TNS3: variants seen among roughly 807,000 people sequenced by gnomAD.
The protein encoded by TNS3 is tensin 3.
Under a neutral mutation model 140.9 loss-of-function variants are expected in TNS3, and 45 were observed. The observed-to-expected ratio is 0.32, with a 90% CI of 0.25 to 0.41. The LOEUF (loss-of-function observed/expected upper bound fraction) is 0.41. Among genes scored for constraint, TNS3 ranks in the 10% least tolerant of loss-of-function variants. The probability of loss-of-function intolerance (pLI) is 1.00; values close to 1 mark genes in which losing one functional copy is unlikely to be tolerated. For missense variants in TNS3, 1,716 were observed against 1,906.7 expected (o/e 0.90, Z 1.86); for synonymous variants, 815 against 788.4 (o/e 1.03, Z -0.56).
chr7:47,295,357 TC>T (rs564727905), intron 24 of TNS3, among the ~76,000 whole-genome samples: 278 of 152,270 alleles, frequency 1.8e-3, no homozygotes, highest in African/African-American at 6.4e-3. Context: ...ACCAAAACCA[TC>T]CATCATTCCT....
chr7:47,457,079 A>C (rs1358519452), intron 4 of TNS3, among the ~76,000 whole-genome samples: 1 of 139,616 alleles, frequency 7.2e-6, no homozygotes, highest in Non-Finnish European at 1.5e-5. Flanking sequence ...AATTCTTCCC[A>C]TATCATTATC....
At position 47,368,409 on chromosome 7, in the gene TNS3, A is replaced by C; in HGVS notation, c.2237T>G (p.Leu746Arg). The stretch of plus-strand genomic sequence containing the variant: ...GCTGGGGCCCTCTCCTGTGTCAGGC[A>C]GCCTGCTGCTTGCCCGGAGCCCACC... ...VGGGLRASSR[L>R]PDTGEGPSRA... is the part of the protein sequence containing the mutation. Residue 746 changes from leucine to arginine, a missense_variant, in exon 17 of 31, where the codon CTG becomes CGG. Transcript: ENST00000311160. 6.6e-7 allele frequency: 1 copy of C among 1,518,210 alleles called. No homozygotes were observed. The highest frequency in any genetic ancestry group is 8.8e-7 in the Non-Finnish European group (1 of 1,130,030). The allele number at this position is 1,518,210 out of a possible 1,614,324, so 94.0% of individuals were successfully genotyped here. A position where few individuals can be genotyped will look rare whatever the true frequency, so the allele number is the denominator to read the frequency against.
intron 3 of TNS3, among the ~76,000 whole-genome samples, chr7:47,492,517 G>A (rs1235279477): frequency 6.6e-6 from 1 of 152,200 alleles, no homozygotes; most frequent in Non-Finnish European, 1.5e-5. Context: ...CCTCTGCCTG[G>A]AAAACCACCT....
chr7:47,480,107 C>G (rs1292699133), intron 4 of TNS3, among the ~76,000 whole-genome samples: 1 of 152,224 alleles, frequency 6.6e-6, no homozygotes, highest in African/African-American at 2.4e-5. Flanking sequence ...CCTACTGCAC[C>G]ACAAGACAGA....
chr7:47,524,096 C>T (rs1799089820), intron 2 of TNS3, among the ~76,000 whole-genome samples: 1 of 152,220 alleles, frequency 6.6e-6, no homozygotes, highest in South Asian at 2.1e-4. Flanking sequence ...GAACCAGCGC[C>T]CTCTGAGAGG....
intron 4 of TNS3, among the ~76,000 whole-genome samples, chr7:47,467,203 G>A (rs1796755714): frequency 6.6e-6 from 1 of 152,210 alleles, no homozygotes. Context: ...TGGAAAGACA[G>A]GCCATGGGGC....
At chr7:47,299,963 C>A (rs989117806) in intron 23 of TNS3, among the ~76,000 whole-genome samples, 1 of 152,190 alleles carries the variant, frequency 6.6e-6, no homozygotes, top group Non-Finnish European at 1.5e-5. Flanking sequence ...AAGCAACACC[C>A]CAGAAGTACA....
At chr7:47,481,265 G>T in intron 3 of TNS3, 124 bp from the exon 4 acceptor site, 1 of 677,706 alleles carries the variant, frequency 1.5e-6, no homozygotes, top group Non-Finnish European at 2.3e-6. Context: ...CTACAAAGCT[G>T]TAGCAGATCA....
chr7:47,533,429 C>T (rs1400230253), intron 1 of TNS3, among the ~76,000 whole-genome samples: 4 of 144,102 alleles, frequency 2.8e-5, no homozygotes, highest in African/African-American at 1.0e-4. Context: ...CGCACCTGGC[C>T]TTTTTTTTTT....
intron 16 of TNS3, among the ~76,000 whole-genome samples, chr7:47,395,244 A>T (rs942649068): frequency 1.4e-5 from 2 of 142,402 alleles, no homozygotes; most frequent in Admixed American, 6.8e-5. Context: ...CCCATGCAGC[A>T]AGGGACCTCT....
chr7:47,513,397 G>A (rs529976272), intron 2 of TNS3, among the ~76,000 whole-genome samples: 3 of 152,196 alleles, frequency 2.0e-5, no homozygotes, highest in South Asian at 4.1e-4. Flanking sequence ...TTGAACTCCC[G>A]GTTTCGATCG....
chr7:47,445,828 C>A (rs1795701720), intron 4 of TNS3, among the ~76,000 whole-genome samples: 1 of 152,200 alleles, frequency 6.6e-6, no homozygotes, highest in South Asian at 2.1e-4. Context: ...AAATACTGTG[C>A]TTGTCAAGAG....
At chr7:47,430,727 C>CTT (rs34682970) in intron 8 of TNS3, among the ~76,000 whole-genome samples, 2 of 145,238 alleles carry the variant, frequency 1.4e-5, no homozygotes, top group African/African-American at 2.6e-5. Context: ...AGTATTTTTT[C>CTT]TTTTTTTTTT....
chr7:47,487,742 A>G lies in TNS3; in HGVS notation c.-114-6601T>C, dbSNP rs1021375540. ...AGACATCACCTTATGCACAAGTTCT[A>G]TCATACATAAAATTACTTTAATCAT... On this transcript the variant is annotated intron_variant, in intron 3 of 30. Coordinates refer to ENST00000311160, the MANE Select transcript of TNS3 (RefSeq NM_022748.12). 7.2e-5 allele frequency among the ~76,000 whole-genome samples: 11 copies of G among 152,250 alleles called. No homozygotes were observed. In the South Asian group the frequency reaches 2.3e-3, roughly 32 times the overall value.
chr7:47,302,547 G>A (rs1261559910), intron 22 of TNS3, among the ~76,000 whole-genome samples: 3 of 152,144 alleles, frequency 2.0e-5, no homozygotes, highest in Admixed American at 6.5e-5. Context: ...GGGTAAGGTT[G>A]GTGTTGTTCA....
chr7:47,436,320 T>C (rs1358506062), intron 7 of TNS3, among the ~76,000 whole-genome samples: 1 of 152,220 alleles, frequency 6.6e-6, no homozygotes, highest in African/African-American at 2.4e-5. Flanking sequence ...TTTGTTACTC[T>C]AATGGCTGCA....
chr7:47,325,948 T>G (rs1043480334), intron 20 of TNS3, among the ~76,000 whole-genome samples: 3 of 152,208 alleles, frequency 2.0e-5, no homozygotes, highest in African/African-American at 7.2e-5. Flanking sequence ...TGGTCCTGGC[T>G]GCAAACTGCC....
rs753861136 is a variant in TNS3 at position 47,368,394 on chromosome 7, T to C, written c.2252A>G (p.Glu751Gly). The change falls in exon 17 of 31, where the codon GAG becomes GGG. Residue 751 changes from glutamate to glycine, a missense_variant. Glu to Gly is a moderately conservative substitution (Grantham distance 98, BLOSUM62 -2). Around this residue, in one of 3 missense-constraint regions of TNS3, gnomAD observed 1,163 missense variants for 1,182.1 expected, o/e 0.98. Coordinates refer to ENST00000311160, the MANE Select transcript of TNS3 (RefSeq NM_022748.12). ...CCGCCCGGTGGCCCTGCTGGGGCCC[T>C]CTCCTGTGTCAGGCAGCCTGCTGCT... The part of the protein sequence containing the change: ...RASSRLPDTG[E>G]GPSRATGRQG... The C allele has an allele frequency of 6.7e-7, 1 of 1,502,688 alleles. No homozygotes were observed. Among genetic ancestry groups the C allele is most frequent in the East Asian group, 2.3e-5 (1 of 42,688 alleles). The allele number at this position is 1,502,688 out of a possible 1,614,324, so 93.1% of individuals were successfully genotyped here.
At chr7:47,345,637 C>T (rs1789291765) in intron 18 of TNS3, among the ~76,000 whole-genome samples, 1 of 152,180 alleles carries the variant, frequency 6.6e-6, no homozygotes, top group Admixed American at 6.5e-5. Context: ...TCCATTCTGA[C>T]TAGAAGCCTT....
Sources: gnomAD v4.1 joint callset for allele counts (sites outside exome capture counted in the v4.1 genomes callset) on GRCh38, gnomAD v4.1.1 for gene constraint, gnomAD v4.1.1 regional missense constraint, MANE v1.5 for transcripts, NCBI Gene and HGNC (gene_info 2026-07-23, HGNC 2026-07-21) for gene names.